Variants in PHF3 observed in about 807,000 individuals in gnomAD.
The protein encoded by PHF3 is PHD finger protein 3.
Under a neutral mutation model 178.4 loss-of-function variants are expected in PHF3, and 41 were observed. The observed-to-expected ratio is 0.23, with a 90% CI of 0.18 to 0.30. The LOEUF (loss-of-function observed/expected upper bound fraction) is 0.30. Among genes scored for constraint, PHF3 ranks in the 10% least tolerant of loss-of-function variants. PHF3 has a pLI of 1.00. For missense variants in PHF3, 2,346 were observed against 2,398.1 expected, an observed-to-expected ratio of 0.98 and a Z score of 0.45; for synonymous variants, 842 against 800.5, an observed-to-expected ratio of 1.05 and a Z score of -0.88.
rs562083175 is a variant in PHF3, at chr6:63,665,142, A to G, written c.245-14858A>G. The stretch of plus-strand genomic sequence containing the variant: ...AGATAATACGTAACAATGAAAACAT[A>G]CCTAAACATCAATTTTCTTAGCCCG... On this transcript the variant is annotated intron_variant, in intron 2 of 15. Coordinates refer to ENST00000262043, the MANE Select transcript of PHF3 (RefSeq NM_001370348.2). Among the ~76,000 whole-genome samples the G allele has an allele frequency of 3.9e-5, 6 of 152,280 alleles. No homozygotes were observed. In the East Asian group the frequency reaches 1.2e-3, roughly 29 times the overall value.
At chr6:63,656,652 C>G (rs973342389) in intron 2 of PHF3, among the ~76,000 whole-genome samples, 2 of 152,312 alleles carry the variant, frequency 1.3e-5, no homozygotes, top group Admixed American at 6.5e-5. Context: ...CTGAGCTTTA[C>G]TGCTCTCCTT....
intron 14 of PHF3, among the ~76,000 whole-genome samples, 170 bp downstream of exon 14, chr6:63,709,410 C>G (rs1767830042): frequency 6.6e-6 from 1 of 151,210 alleles, no homozygotes; most frequent in Non-Finnish European, 1.5e-5. Context: ...CTGAGGCTGT[C>G]AACAGTACAG....
rs1266174911 is a variant in PHF3 at position 63,724,998 on chromosome 6, G to A, written c.*11290G>A. Among the ~76,000 whole-genome samples the A allele has an allele frequency of 6.6e-6, 1 of 152,070 alleles. No homozygotes were observed. The highest frequency in any genetic ancestry group is 1.5e-5 in the Non-Finnish European group (1 of 67,966). On this transcript the variant is annotated 3_prime_UTR_variant, in exon 16 of 16. Transcript: ENST00000262043. ...ATTTTCTGCAACCTTAAATAAATGA[G>A]AGACTTCAAATAAACTTGTTATATC...
chr6:63,673,350 C>A (rs1253513479), intron 2 of PHF3, among the ~76,000 whole-genome samples: 1 of 151,868 alleles, frequency 6.6e-6, no homozygotes, highest in African/African-American at 2.4e-5. Flanking sequence ...GATTTCAGTT[C>A]ATAAAAAAGC....
At chr6:63,653,285 G>A (rs1329461592) in intron 2 of PHF3, among the ~76,000 whole-genome samples, 1 of 151,588 alleles carries the variant, frequency 6.6e-6, no homozygotes, top group Non-Finnish European at 1.5e-5. Flanking sequence ...CTTTTGGTAG[G>A]TAATGTGGTC....
chr6:63,673,667 GA>G (rs1766025156), intron 2 of PHF3, among the ~76,000 whole-genome samples: 2 of 152,090 alleles, frequency 1.3e-5, no homozygotes, highest in Non-Finnish European at 2.9e-5. Context: ...AGGGTTCCTT[GA>G]AAAATCAAGG....
chr6:63,702,381 A>G (rs1390111948), intron 9 of PHF3, 127 bp from the exon 10 acceptor site: 8 of 576,064 alleles, frequency 1.4e-5, no homozygotes, highest in Non-Finnish European at 1.7e-5. Flanking sequence ...TATATGAGAC[A>G]TTACCTTAAG....
intron 2 of PHF3, among the ~76,000 whole-genome samples, chr6:63,661,406 G>A (rs1765460467): frequency 6.6e-6 from 1 of 151,914 alleles, no homozygotes. Flanking sequence ...CTATTGAAGA[G>A]GAAACATTCC....
At position 63,713,606 on chromosome 6, in the gene PHF3, G is replaced by A. The variant is rs749749121; in HGVS notation, c.6018G>A (p.Lys2006=). The A allele has an allele frequency of 6.2e-6, 10 of 1,613,332 alleles. No individual in the cohort carries two copies. The highest frequency in any genetic ancestry group is 8.5e-7 in the Non-Finnish European group (1 of 1,179,762). ...AACCTAAAAGTGAAGACTATGAGAA[G>A]GACAAAGAACGAGAGAAAAGTAAAC... ...PDKPKSEDYE[K]DKEREKSKHR... The change falls in exon 16 of 16, where the codon AAG becomes AAA. Residue 2006 remains lysine, a synonymous_variant. Transcript: ENST00000262043.
Position 63,711,317 on chromosome 6 carries a change from G to A in PHF3, c.3952G>A (p.Ala1318Thr), listed in dbSNP as rs1419850167. The A allele has an allele frequency of 1.2e-6, 2 of 1,612,948 alleles. No homozygotes were observed. Among genetic ancestry groups the A allele is most frequent in the South Asian group, 2.2e-5 (2 of 90,892 alleles). The stretch of plus-strand genomic sequence containing the variant: ...AGATATGTACCTTATTCCTTTGGGT[G>A]CCACAGATAAAATTCCACACCCTCT... ...VKDMYLIPLGATDKIPHPLVP... is the reference protein window; with the variant it reads ...VKDMYLIPLGTTDKIPHPLVP... The change falls in exon 15 of 16, where the codon GCC becomes ACC. Residue 1318 changes from alanine to threonine, a missense_variant. Physicochemically the swap from Ala to Thr is moderately conservative, Grantham distance 58 (BLOSUM62 0). This residue lies in a region of PHF3 where 90 missense variants were observed against 136.6 expected (regional missense o/e 0.66). Coordinates refer to ENST00000262043, the MANE Select transcript of PHF3 (RefSeq NM_001370348.2).
intron 2 of PHF3, among the ~76,000 whole-genome samples, chr6:63,672,241 A>T (rs1765950845): frequency 6.6e-6 from 1 of 152,244 alleles, no homozygotes; most frequent in Non-Finnish European, 1.5e-5. Context: ...TGCATAAAAA[A>T]ATCTAAGAAA....
intron 2 of PHF3, among the ~76,000 whole-genome samples, chr6:63,675,018 A>G (rs1345753538): frequency 6.6e-6 from 1 of 152,142 alleles, no homozygotes; most frequent in African/African-American, 2.4e-5. Flanking sequence ...CCCCTTTCCA[A>G]AAAGATAGGT....
intron 2 of PHF3, among the ~76,000 whole-genome samples, chr6:63,654,605 GA>G (rs1464598812): frequency 2.0e-5 from 3 of 152,140 alleles, no homozygotes; most frequent in Non-Finnish European, 2.9e-5. Context: ...CCAAAAGATC[GA>G]AAGAGTATGA....
At chr6:63,648,957 T>A (rs774066641) in intron 2 of PHF3, among the ~76,000 whole-genome samples, 5 of 152,142 alleles carry the variant, frequency 3.3e-5, no homozygotes, top group Middle Eastern at 3.2e-3. Context: ...CAAAGTTCTT[T>A]TCCTTTTGGG....
Position 63,713,502 on chromosome 6 carries a change from G to C in PHF3, c.5914G>C (p.Ala1972Pro). Reference protein sequence around the residue: ...REEGHKDKERARLSHGDRGTD... With the variant: ...REEGHKDKERPRLSHGDRGTD... ...GGAAGGGCACAAAGATAAAGAGAGG[G>C]CACGGTTATCACATGGTGATCGAGG... is the stretch of plus-strand genomic sequence containing the variant. The change falls in exon 16 of 16, where the codon GCA becomes CCA. Residue 1972 changes from alanine to proline, a missense_variant. Around this residue, in one of 8 missense-constraint regions of PHF3, gnomAD observed 839 missense variants for 806.9 expected, o/e 1.04. Coordinates refer to ENST00000262043, the MANE Select transcript of PHF3 (RefSeq NM_001370348.2). The C allele has an allele frequency of 6.2e-7, 1 of 1,613,764 alleles. No homozygotes were observed. The highest frequency in any genetic ancestry group is 8.5e-7 in the Non-Finnish European group (1 of 1,179,914).
chr6:63,678,744 CTGTT>C, intron 2 of PHF3: 3 of 424,810 alleles, frequency 7.1e-6, no homozygotes, highest in Admixed American at 5.3e-5. Context: ...TTTCATGATT[CTGTT>C]TGTTGTCAAA....
chr6:63,649,081 T>TATTG (rs1314121706), intron 2 of PHF3, among the ~76,000 whole-genome samples: 1 of 122,512 alleles, frequency 8.2e-6, no homozygotes, highest in Non-Finnish European at 1.8e-5. Context: ...AAAGAAATCT[T>TATTG]ATTTATTTAT....
At chr6:63,650,979 A>C (rs1429727462) in intron 2 of PHF3, among the ~76,000 whole-genome samples, 1 of 152,030 alleles carries the variant, frequency 6.6e-6, no homozygotes, top group Non-Finnish European at 1.5e-5. Flanking sequence ...TACACATATA[A>C]GTTCATTATA....
At chr6:63,670,935 G>A (rs947662341) in intron 2 of PHF3, among the ~76,000 whole-genome samples, 3 of 151,998 alleles carry the variant, frequency 2.0e-5, no homozygotes, top group African/African-American at 7.3e-5. Context: ...AAAAAAATAT[G>A]TGATTCTCTA....
Sources: gnomAD v4.1 joint callset for allele counts (sites outside exome capture counted in the v4.1 genomes callset) on GRCh38, gnomAD v4.1.1 for gene constraint, gnomAD v4.1.1 regional missense constraint, MANE v1.5 for transcripts, NCBI Gene and HGNC (gene_info 2026-07-23, HGNC 2026-07-21) for gene names.